Variants in CD109 observed in about 807,000 individuals in gnomAD.
The protein encoded by CD109 is CD109 antigen.
CD109 carries 149 observed loss-of-function variants against 165.8 expected under a neutral mutation model. That is an observed-to-expected ratio of 0.90 (90% CI 0.79 to 1.03). CD109 has a LOEUF of 1.03. CD109 is among the 50% of genes least tolerant of loss of function. The pLI is 0.00. For missense variants in CD109, 1,712 were observed against 1,677.8 expected, an observed-to-expected ratio of 1.02 and a Z score of -0.36; for synonymous variants, 585 against 592.1, an observed-to-expected ratio of 0.99 and a Z score of 0.18.
chr6:73,771,968 T>C (rs1353585277), intron 15 of CD109, among the ~76,000 whole-genome samples: 1 of 152,186 alleles, frequency 6.6e-6, no homozygotes, highest in Non-Finnish European at 1.5e-5. Flanking sequence ...GTGATAGATA[T>C]GTTAATTAGC....
chr6:73,722,266 G>A (rs566511177), intron 2 of CD109, among the ~76,000 whole-genome samples: 7 of 152,184 alleles, frequency 4.6e-5, no homozygotes, highest in South Asian at 2.1e-4. Context: ...TATGTGTCAC[G>A]CACTGTTCTA....
rs768472303 is a variant in CD109, at chr6:73,792,715, C to T, written c.2791C>T (p.Pro931Ser). The T allele has an allele frequency of 3.7e-6, 6 of 1,612,698 alleles. No individual in the cohort carries two copies. The African/African-American group carries it at 6.7e-5, about 18-fold the overall frequency. ...TGAACAGAACATGATAAATTTTGCT[C>T]CAAATATTTACATTTTGGATTATCT... ...CGEQNMINFA[P>S]NIYILDYLTK... Residue 931 changes from proline to serine, a missense_variant, in exon 23 of 33, where the codon CCA (proline) becomes TCA (serine). Physicochemically the swap from Pro to Ser is moderately conservative, Grantham distance 74. Coordinates refer to ENST00000287097, the MANE Select transcript of CD109 (RefSeq NM_133493.5).
intron 14 of CD109, among the ~76,000 whole-genome samples, chr6:73,768,620 C>T (rs73755030): frequency 0.02 from 2,993 of 152,212 alleles, 99 homozygotes; most frequent in African/African-American, 0.067. Context: ...TAGGATAATA[C>T]GTAGAAGCAG....
At chr6:73,746,728 G>T in intron 5 of CD109, among the ~76,000 whole-genome samples, 1 of 152,078 alleles carries the variant, frequency 6.6e-6, no homozygotes, top group East Asian at 1.9e-4. Flanking sequence ...TCTGCTAACT[G>T]GAGGCTTGTA....
intron 8 of CD109, 126 bp from the exon 9 acceptor site, chr6:73,762,615 A>G (rs776081588): frequency 1.3e-5 from 13 of 974,334 alleles, no homozygotes; most frequent in Non-Finnish European, 2.0e-5. Context: ...ACAAATGAGA[A>G]TTTATGCAAT....
At chr6:73,816,283 G>A (rs867005940) in intron 30 of CD109, among the ~76,000 whole-genome samples, 4 of 152,100 alleles carry the variant, frequency 2.6e-5, no homozygotes, top group Admixed American at 6.6e-5. Flanking sequence ...TATTTTTTAC[G>A]AATCTTCCAA....
chr6:73,715,702 A>G (rs964420315), intron 2 of CD109, among the ~76,000 whole-genome samples: 1 of 152,188 alleles, frequency 6.6e-6, no homozygotes, highest in African/African-American at 2.4e-5. Context: ...CAGGCATGCA[A>G]TGTCAACAAC....
chr6:73,792,441 A>C (rs1334223909), intron 22 of CD109, among the ~76,000 whole-genome samples, 185 bp from the exon 23 acceptor site: 1 of 152,160 alleles, frequency 6.6e-6, no homozygotes, highest in African/African-American at 2.4e-5. Context: ...GTACCAGAGC[A>C]TTGTTATTTT....
In CD109 at chr6:73,710,838, T is replaced by C. The variant is rs551849291; in HGVS notation, c.248-12413T>C. ...CATGTAGGTTTTGCCAACCTTCAGG[T>C]CTTTATTACAGCTGCTCAACTCTGC... On this transcript the variant is annotated intron_variant, in intron 2 of 32. Transcript: ENST00000287097. Among the ~76,000 whole-genome samples, 4 of 152,260 alleles carry C rather than the reference T, an allele frequency of 2.6e-5. No homozygotes were observed. The South Asian group carries it at 6.2e-4, about 24-fold the overall frequency.
intron 4 of CD109, among the ~76,000 whole-genome samples, chr6:73,734,607 A>T (rs1045580013): frequency 6.6e-6 from 1 of 152,204 alleles, no homozygotes; most frequent in Non-Finnish European, 1.5e-5. Context: ...TTTACCAAGG[A>T]TACAGTGACC....
chr6:73,798,738 A>C (rs537979960), intron 23 of CD109, among the ~76,000 whole-genome samples: 1 of 152,038 alleles, frequency 6.6e-6, no homozygotes, highest in East Asian at 1.9e-4. Context: ...TTAATGGGGA[A>C]TGTTGGAGGT....
At position 73,759,050 on chromosome 6, in the gene CD109, A is replaced by G. The variant is rs41265527; in HGVS notation, c.758+22A>G. 0.01 allele frequency: 14,294 copies of G among 1,428,624 alleles called. 89 individuals are homozygous for G. Among genetic ancestry groups the G allele is most frequent in the Non-Finnish European group, 0.012 (11,988 of 1,014,446 alleles). 88.5% of individuals were successfully genotyped at this position (1,428,624 alleles called of 1,614,324 possible). A position where few individuals can be genotyped will look rare whatever the true frequency, so the allele number is the denominator to read the frequency against. The stretch of plus-strand genomic sequence containing the variant: ...CAAAGTAAGTGTCATTTTTCTTTTG[A>G]TATGACTCAAAACCATTATAAAACT... On this transcript the variant is annotated intron_variant, in intron 7 of 32. Coordinates refer to ENST00000287097, the MANE Select transcript of CD109 (RefSeq NM_133493.5).
At chr6:73,795,308 G>A (rs1171317033) in intron 23 of CD109, among the ~76,000 whole-genome samples, 1 of 151,066 alleles carries the variant, frequency 6.6e-6, no homozygotes, top group East Asian at 2.0e-4. Context: ...GCTTTAAACA[G>A]AAAGCATAAA....
chr6:73,720,909 G>C (rs1276824001), intron 2 of CD109, among the ~76,000 whole-genome samples: 1 of 152,124 alleles, frequency 6.6e-6, no homozygotes, highest in African/African-American at 2.4e-5. Context: ...GGTAGACTCA[G>C]GTTGATCTCC....
At chr6:73,760,970 A>G (rs1413142321) in intron 7 of CD109, among the ~76,000 whole-genome samples, 1 of 149,174 alleles carries the variant, frequency 6.7e-6, no homozygotes, top group Non-Finnish European at 1.5e-5. Flanking sequence ...AGCCGAGATC[A>G]TGCCACTGCA....
At chr6:73,766,352 AT>A (rs202043484) in intron 11 of CD109, among the ~76,000 whole-genome samples, 198 bp downstream of exon 11, 29 of 152,296 alleles carry the variant, frequency 1.9e-4, no homozygotes, top group East Asian at 1.7e-3. Flanking sequence ...TTGTAAGTTC[AT>A]TTTGAAGAGC....
intron 15 of CD109, among the ~76,000 whole-genome samples, chr6:73,772,450 G>A (rs1052575172): frequency 3.5e-5 from 5 of 144,678 alleles, no homozygotes; most frequent in Non-Finnish European, 7.4e-5. Context: ...AGCTTGCAGC[G>A]AGCAGAAATC....
At chr6:73,703,333 C>T (rs574691525) in intron 2 of CD109, among the ~76,000 whole-genome samples, 1 of 152,218 alleles carries the variant, frequency 6.6e-6, no homozygotes, top group Non-Finnish European at 1.5e-5. Flanking sequence ...TAATTTGAAT[C>T]GAAAGAATTA....
At chr6:73,693,558 G>C (rs1445863244), upstream of CD109, among the ~76,000 whole-genome samples, 2 of 152,154 alleles carry the variant, frequency 1.3e-5, no homozygotes, top group African/African-American at 4.8e-5. Flanking sequence ...ACCATTTTCA[G>C]TTTTTCTTTT....
Sources: allele counts gnomAD v4.1 joint callset (sites outside exome capture counted in the v4.1 genomes callset), GRCh38; gene constraint gnomAD v4.1.1; transcripts MANE v1.5; gene names NCBI Gene and HGNC (gene_info 2026-07-23, HGNC 2026-07-21).